Variants in ITGAV observed in about 807,000 individuals in gnomAD.
ITGAV encodes integrin alpha-V.
Under a neutral mutation model 143.8 loss-of-function variants are expected in ITGAV, and 76 were observed. The ratio of observed to expected loss-of-function variants is 0.53; its 90% confidence interval spans 0.44 to 0.64. ITGAV has a LOEUF of 0.64. ITGAV is among the 30% of genes least tolerant of loss of function. ITGAV has a pLI of 0.00. For missense variants in ITGAV, 1,193 were observed against 1,274.7 expected, an observed-to-expected ratio of 0.94 and a Z score of 0.98; for synonymous variants, 453 against 446.7, an observed-to-expected ratio of 1.01 and a Z score of -0.18.
At chr2:186,669,023 A>G in intron 25 of ITGAV, 103 bp downstream of exon 25, 1 of 1,051,972 alleles carries the variant, frequency 9.5e-7, no homozygotes, top group South Asian at 1.7e-5. Context: ...TTTAATATAA[A>G]ACCCACTCTG....
At chr2:186,600,310 A>ACCCC in intron 1 of ITGAV, 1 of 1,341,300 alleles carries the variant, frequency 7.5e-7, no homozygotes, top group Non-Finnish European at 1.0e-6. Context: ...CCCACCCCCC[A>ACCCC]CTCCCCTCCA....
At chr2:186,591,457 T>A (rs1387330246) in intron 1 of ITGAV, among the ~76,000 whole-genome samples, 1 of 152,224 alleles carries the variant, frequency 6.6e-6, no homozygotes, top group East Asian at 1.9e-4. Flanking sequence ...GTTTAAATCT[T>A]GTTTTCAAGA....
chr2:186,644,492 A>T (rs531876274), intron 12 of ITGAV, among the ~76,000 whole-genome samples: 1 of 151,460 alleles, frequency 6.6e-6, no homozygotes, highest in Non-Finnish European at 1.5e-5. Flanking sequence ...TGCCTGGCTA[A>T]TTTTTGTATT....
intron 2 of ITGAV, among the ~76,000 whole-genome samples, chr2:186,613,105 T>G (rs1339382682): frequency 2.6e-5 from 4 of 152,004 alleles, no homozygotes; most frequent in Non-Finnish European, 4.4e-5. Context: ...CTGCTCACTT[T>G]GACCTGACTC....
intron 2 of ITGAV, among the ~76,000 whole-genome samples, chr2:186,620,205 C>T (rs1344362791): frequency 6.6e-6 from 1 of 152,158 alleles, no homozygotes; most frequent in Non-Finnish European, 1.5e-5. Flanking sequence ...GGTGCCTATA[C>T]TATTTTCCAC....
chr2:186,603,891 G>C (rs1453488761), intron 2 of ITGAV, among the ~76,000 whole-genome samples: 1 of 150,776 alleles, frequency 6.6e-6, no homozygotes, highest in Non-Finnish European at 1.5e-5. Context: ...TTGAGATAGG[G>C]TCTCGCTCTG....
chr2:186,676,000 T>C, intron 28 of ITGAV, 73 bp downstream of exon 28: 1 of 843,452 alleles, frequency 1.2e-6, no homozygotes. Context: ...ATTTTGTTTT[T>C]TAAAGAACGA....
intron 1 of ITGAV, among the ~76,000 whole-genome samples, chr2:186,593,713 TATACTC>T (rs1235134227): frequency 6.6e-6 from 1 of 152,168 alleles, no homozygotes; most frequent in Non-Finnish European, 1.5e-5. Flanking sequence ...GGGAAGCAGA[TATACTC>T]ATTCTTACAG....
intron 3 of ITGAV, among the ~76,000 whole-genome samples, chr2:186,624,218 C>A (rs1471345864): frequency 6.6e-6 from 1 of 152,076 alleles, no homozygotes; most frequent in Non-Finnish European, 1.5e-5. Context: ...CTTGGCTAGC[C>A]CTTTGTCATT....
intron 7 of ITGAV, among the ~76,000 whole-genome samples, chr2:186,636,844 A>T (rs997671490): frequency 2.6e-5 from 4 of 152,362 alleles, no homozygotes; most frequent in Non-Finnish European, 5.9e-5. Context: ...AGTTAATAAG[A>T]CAATTGTAGT....
rs182922157 is a variant in ITGAV at position 186,626,264 on chromosome 2, T to C, written c.523+677T>C. On this transcript the variant is annotated intron_variant, in intron 4 of 29. Transcript: ENST00000261023. Reference sequence around the variant, plus strand: ...AAGGAATTAATATCATGGCTAAAGATGACTTCAAGCAATTATAATTTTGAT... The same window carrying C: ...AAGGAATTAATATCATGGCTAAAGACGACTTCAAGCAATTATAATTTTGAT... 4.3e-4 allele frequency among the ~76,000 whole-genome samples: 66 copies of C among 152,308 alleles called. 1 individual carries two copies. The highest frequency in any genetic ancestry group is 3.4e-3 in the Middle Eastern group (1 of 294).
chr2:186,626,115 G>A (rs910081391), intron 4 of ITGAV, among the ~76,000 whole-genome samples: 3 of 152,126 alleles, frequency 2.0e-5, no homozygotes, highest in Non-Finnish European at 4.4e-5. Flanking sequence ...TTGAACTCAG[G>A]AGTCTTGACT....
intron 15 of ITGAV, 44 bp downstream of exon 15, chr2:186,652,133 T>C (rs1307636108): frequency 1.7e-6 from 2 of 1,190,246 alleles, no homozygotes; most frequent in African/African-American, 3.0e-5. Flanking sequence ...TGATTATTGT[T>C]CAGGCATTGT....
chr2:186,590,536 A>T lies in ITGAV; in HGVS notation c.185+13A>T, dbSNP rs1176136133. On this transcript the variant is annotated intron_variant, in intron 1 of 29. Coordinates refer to ENST00000261023, the MANE Select transcript of ITGAV (RefSeq NM_002210.5). ...CCAGCGCGTCTTCGTAAGTGGCCGC[A>T]CTTGGAACTGGAGCCGGCCCCCTCC... is the stretch of plus-strand genomic sequence containing the variant. The T allele has an allele frequency of 6.2e-7, 1 of 1,609,116 alleles. No homozygotes were observed. The highest frequency in any genetic ancestry group is 8.5e-7 in the Non-Finnish European group (1 of 1,178,182).
rs68052001 is a variant in ITGAV, at chr2:186,605,740, GTATATA to G, written c.316+3603_316+3608del. On this transcript the variant is annotated intron_variant, in intron 2 of 29. Transcript: ENST00000261023. ...AAAGTCCTTTAGTGGTTGTAGATGT[GTATATA>G]TATATATATATATTTATATGTATAA... 3.9e-5 allele frequency among the ~76,000 whole-genome samples: 2 copies of G among 50,792 alleles called. 1 individual carries two copies. Among genetic ancestry groups the G allele is most frequent in the Non-Finnish European group, 1.0e-4 (2 of 19,698 alleles). 33.3% of individuals were successfully genotyped at this position (50,792 alleles called of 152,430 possible). A position where few individuals can be genotyped will look rare whatever the true frequency, so the allele number is the denominator to read the frequency against.
At chr2:186,596,361 T>A (rs1049753332) in intron 1 of ITGAV, among the ~76,000 whole-genome samples, 6 of 152,232 alleles carry the variant, frequency 3.9e-5, no homozygotes, top group African/African-American at 1.2e-4. Context: ...TAAGCTGTTG[T>A]ACACTTTCAT....
intron 18 of ITGAV, among the ~76,000 whole-genome samples, chr2:186,662,387 C>T (rs1359638092): frequency 2.6e-5 from 4 of 151,646 alleles, no homozygotes; most frequent in African/African-American, 4.8e-5. Context: ...ACGACAGTTA[C>T]GAATCTTTGT....
chr2:186,647,941 A>G (rs1402442770), intron 13 of ITGAV, among the ~76,000 whole-genome samples: 1 of 152,208 alleles, frequency 6.6e-6, no homozygotes, highest in East Asian at 1.9e-4. Flanking sequence ...AATGCAATAT[A>G]TTTGTTATAG....
chr2:186,673,503 T>G (rs919777275), intron 26 of ITGAV, among the ~76,000 whole-genome samples: 1 of 152,220 alleles, frequency 6.6e-6, no homozygotes, highest in Non-Finnish European at 1.5e-5. Context: ...TATTGCTATC[T>G]TAACATTACA....
Sources: gnomAD v4.1 joint callset for allele counts (sites outside exome capture counted in the v4.1 genomes callset) on GRCh38, gnomAD v4.1.1 for gene constraint, MANE v1.5 for transcripts, NCBI Gene and HGNC (gene_info 2026-07-23, HGNC 2026-07-21) for gene names.